NAALADL2: variants seen among roughly 807,000 people sequenced by gnomAD.
The protein encoded by NAALADL2 is N-acetylated alpha-linked acidic dipeptidase like 2, also known as inactive N-acetylated-alpha-linked acidic dipeptidase-like protein 2.
Under a neutral mutation model 87.2 loss-of-function variants are expected in NAALADL2, and 76 were observed. The ratio of observed to expected loss-of-function variants is 0.87; its 90% confidence interval spans 0.72 to 1.05. The LOEUF (loss-of-function observed/expected upper bound fraction) is 1.05. Ranked by LOEUF, NAALADL2 falls within the 50% of genes least tolerant of loss-of-function variation. The pLI is 0.00. For synonymous variants in NAALADL2, 354 were observed against 331.0 expected (o/e 1.07, Z -0.75); for missense variants, 1,089 against 945.8 (o/e 1.15, Z -1.99).
At chr3:175,201,327 A>T (rs1175609911) in intron 2 of NAALADL2, among the ~76,000 whole-genome samples, 1 of 152,202 alleles carries the variant, frequency 6.6e-6, no homozygotes, top group Non-Finnish European at 1.5e-5. Context: ...GTATGCTTAC[A>T]CTTTTAGTTA....
intron 1 of NAALADL2, among the ~76,000 whole-genome samples, chr3:175,028,747 T>G (rs73883311): frequency 0.024 from 3,620 of 151,998 alleles, 145 homozygotes; most frequent in African/African-American, 0.082. Context: ...TCTAAATGAA[T>G]ATAATACTAT....
chr3:175,627,448 G>A lies in NAALADL2; in HGVS notation c.1896+62G>A, dbSNP rs992172710. ...ATTTGTTCTTCTTTATTGGTAGATG[G>A]AGCAAAGGAACATAACCAATCAAGA... On this transcript the variant is annotated intron_variant, in intron 11 of 13. Transcript: ENST00000454872. 10 of 1,095,250 alleles carry A rather than the reference G, an allele frequency of 9.1e-6. No individual in the cohort carries two copies. In the Admixed American group the frequency reaches 2.3e-4, roughly 25 times the overall value. 67.8% of individuals were successfully genotyped at this position (1,095,250 alleles called of 1,614,324 possible).
intron 11 of NAALADL2, among the ~76,000 whole-genome samples, chr3:175,689,796 A>G (rs926354940): frequency 5.9e-5 from 9 of 152,136 alleles, no homozygotes; most frequent in African/African-American, 2.2e-4. Context: ...TTAGGCTAAA[A>G]GAACTTGCAA....
intron 1 of NAALADL2, among the ~76,000 whole-genome samples, chr3:174,887,827 T>A (rs1048931427): frequency 6.6e-6 from 1 of 152,016 alleles, no homozygotes; most frequent in Non-Finnish European, 1.5e-5. Flanking sequence ...GCATCTTTTT[T>A]TTTTTTTTAC....
chr3:175,326,899 A>C (rs141834784), intron 5 of NAALADL2, among the ~76,000 whole-genome samples: 11 of 152,304 alleles, frequency 7.2e-5, no homozygotes, highest in African/African-American at 2.6e-4. Flanking sequence ...CCAACACATG[A>C]GCTGTGGGGT....
intron 2 of NAALADL2, among the ~76,000 whole-genome samples, chr3:175,149,450 A>T (rs1412408535): frequency 1.3e-5 from 2 of 152,168 alleles, no homozygotes; most frequent in Non-Finnish European, 2.9e-5. Context: ...CACATCTCCT[A>T]ATCAAGATGT....
At chr3:174,956,877 G>T (rs1741224276) in intron 1 of NAALADL2, among the ~76,000 whole-genome samples, 2 of 151,986 alleles carry the variant, frequency 1.3e-5, no homozygotes, top group South Asian at 4.1e-4. Flanking sequence ...ACAGTATTTT[G>T]CAGAAAGTCT....
chr3:174,848,284 AAATAAT>A (rs1309127352), intron 3 of NAALADL2, among the ~76,000 whole-genome samples: 2 of 152,028 alleles, frequency 1.3e-5, no homozygotes, highest in Non-Finnish European at 2.9e-5. Context: ...AATCAGAACT[AAATAAT>A]AATAATAATC....
Position 175,620,426 on chromosome 3 carries a change from C to T in NAALADL2, c.1801-6865C>T, listed in dbSNP as rs114758156. Among the ~76,000 whole-genome samples the T allele has an allele frequency of 7.6e-3, 1,154 of 152,328 alleles. 8 individuals are homozygous for T. Among genetic ancestry groups the T allele is most frequent in the Non-Finnish European group, 0.013 (875 of 68,034 alleles). On this transcript the variant is annotated intron_variant, in intron 10 of 13. Coordinates refer to ENST00000454872, the MANE Select transcript of NAALADL2 (RefSeq NM_207015.3). The stretch of plus-strand genomic sequence containing the variant: ...ACCCGAAAACTAAAAGAGATGCCAG[C>T]AATCACAGATCCCTAAGGGGTGTTA...
intron 3 of NAALADL2, chr3:175,235,429 G>T (rs1049226244): frequency 2.0e-5 from 3 of 152,004 alleles, no homozygotes; most frequent in Admixed American, 6.6e-5. Flanking sequence ...TTAAATGTCT[G>T]CAATATTTCT....
At chr3:175,086,275 G>A (rs893549632) in intron 1 of NAALADL2, among the ~76,000 whole-genome samples, 23 of 152,088 alleles carry the variant, frequency 1.5e-4, no homozygotes, top group Admixed American at 1.4e-3. Context: ...TTTATGGTCA[G>A]TTATTTTATT....
rs144030686 is a variant in NAALADL2 at position 175,164,255 on chromosome 3, A to G, written c.545+66964A>G. On this transcript the variant is annotated intron_variant, in intron 2 of 13. Transcript: ENST00000454872. ...CGCATTTTTATTCCCCATTAAAAAT[A>G]TATGTAAATATGTATATATGTGTAT... 4.7e-3 allele frequency among the ~76,000 whole-genome samples: 715 copies of G among 151,984 alleles called. 6 individuals carry two copies. Among genetic ancestry groups the G allele is most frequent in the African/African-American group, 0.017 (686 of 41,512 alleles).
At chr3:175,359,387 G>T (rs918170574) in intron 5 of NAALADL2, among the ~76,000 whole-genome samples, 3 of 151,906 alleles carry the variant, frequency 2.0e-5, no homozygotes, top group Non-Finnish European at 4.4e-5. Context: ...ATTTTAATTA[G>T]AACAACAATG....
Position 175,469,371 on chromosome 3 carries a change from C to T in NAALADL2, c.1533+2187C>T, listed in dbSNP as rs79477592. On this transcript the variant is annotated intron_variant, in intron 8 of 13. Transcript: ENST00000454872. ...TATGTTAGACTGAAACTAATTTATGCTCTAAATATATTCCCCTGTGAAGGG... is the reference window on the plus strand; with the variant it reads ...TATGTTAGACTGAAACTAATTTATGTTCTAAATATATTCCCCTGTGAAGGG... Among the ~76,000 whole-genome samples, 172 of 152,134 alleles carry T rather than the reference C, an allele frequency of 1.1e-3. 1 individual carries two copies. The highest frequency in any genetic ancestry group is 3.9e-3 in the African/African-American group (163 of 41,558).
chr3:174,486,316 C>G (rs1717854204), intron 1 of NAALADL2, among the ~76,000 whole-genome samples: 1 of 152,054 alleles, frequency 6.6e-6, no homozygotes, highest in Non-Finnish European at 1.5e-5. Flanking sequence ...CTTTTCTTCT[C>G]CCTCTTGGAG....
intron 13 of NAALADL2, among the ~76,000 whole-genome samples, chr3:175,774,285 G>C (rs1313129001): frequency 6.6e-6 from 1 of 151,936 alleles, no homozygotes. Context: ...AAGATTTATG[G>C]TAAGCTAGAC....
At chr3:175,026,767 A>G (rs141382610) in intron 1 of NAALADL2, among the ~76,000 whole-genome samples, 157 of 152,226 alleles carry the variant, frequency 1.0e-3, no homozygotes, top group African/African-American at 2.4e-3. Flanking sequence ...CAGAGATCCT[A>G]AACTACAATG....
chr3:174,957,132 A>G (rs568094383), intron 1 of NAALADL2, among the ~76,000 whole-genome samples: 2 of 151,938 alleles, frequency 1.3e-5, no homozygotes, highest in Non-Finnish European at 2.9e-5. Flanking sequence ...ACTGATAACA[A>G]AAGGCGACAA....
chr3:175,336,165 G>A (rs1248046470), intron 5 of NAALADL2, among the ~76,000 whole-genome samples: 3 of 151,886 alleles, frequency 2.0e-5, no homozygotes, highest in Non-Finnish European at 4.4e-5. Flanking sequence ...AATTCCTCAG[G>A]CCATTATTTG....
Sources: allele counts gnomAD v4.1 joint callset (sites outside exome capture counted in the v4.1 genomes callset), GRCh38; gene constraint gnomAD v4.1.1; transcripts MANE v1.5; gene names NCBI Gene and HGNC (gene_info 2026-07-23, HGNC 2026-07-21).